Variants in LRFN2 observed in about 807,000 individuals in gnomAD.
LRFN2 encodes the protein leucine rich repeat and fibronectin type III domain containing 2, also known as leucine-rich repeat and fibronectin type-III domain-containing protein 2.
LRFN2 carries 18 observed loss-of-function variants against 37.3 expected under a neutral mutation model. The ratio of observed to expected loss-of-function variants is 0.48; its 90% confidence interval spans 0.33 to 0.72. The LOEUF (loss-of-function observed/expected upper bound fraction) is 0.72, where lower values mean the gene tolerates loss of function less well. Among genes scored for constraint, LRFN2 ranks in the 30% least tolerant of loss-of-function variants. The pLI is 0.02. For missense variants in LRFN2, 1,006 were observed against 1,060.7 expected (o/e 0.95, Z 0.72); for synonymous variants, 556 against 466.6 (o/e 1.19, Z -2.47).
intron 2 of LRFN2, among the ~76,000 whole-genome samples, chr6:40,427,132 G>C (rs1361655556): frequency 6.6e-6 from 1 of 152,244 alleles, no homozygotes; most frequent in Non-Finnish European, 1.5e-5. Flanking sequence ...TTGATTGATA[G>C]TTTTGTTGAC....
At chr6:40,393,890 C>G (rs1335114398) in intron 2 of LRFN2, among the ~76,000 whole-genome samples, 2 of 152,112 alleles carry the variant, frequency 1.3e-5, no homozygotes, top group Admixed American at 1.3e-4. Context: ...CTGCTGCAGA[C>G]TGAGGGAGAG....
chr6:40,482,420 C>A (rs1183095358), intron 1 of LRFN2, among the ~76,000 whole-genome samples: 1 of 152,124 alleles, frequency 6.6e-6, no homozygotes, highest in Admixed American at 6.5e-5. Context: ...CCACCATCCT[C>A]AGGGGTGGAA....
chr6:40,509,291 T>C (rs1213552968), intron 1 of LRFN2, among the ~76,000 whole-genome samples: 2 of 152,242 alleles, frequency 1.3e-5, no homozygotes, highest in African/African-American at 2.4e-5. Flanking sequence ...GGATCACTCA[T>C]GGGACAGAGC....
intron 1 of LRFN2, among the ~76,000 whole-genome samples, chr6:40,534,933 T>C (rs1766421343): frequency 6.6e-6 from 1 of 152,180 alleles, no homozygotes; most frequent in Non-Finnish European, 1.5e-5. Flanking sequence ...CGCCTGAGGC[T>C]CAGAAAGCTG....
intron 1 of LRFN2, among the ~76,000 whole-genome samples, chr6:40,495,814 C>T (rs1765211958): frequency 6.6e-6 from 1 of 152,144 alleles, no homozygotes; most frequent in African/African-American, 2.4e-5. Flanking sequence ...CTGAGATGAT[C>T]ATATCTGGTC....
chr6:40,486,143 C>T (rs954391297), intron 1 of LRFN2, among the ~76,000 whole-genome samples: 1 of 150,346 alleles, frequency 6.7e-6, no homozygotes, highest in African/African-American at 2.5e-5. Context: ...TATGTACTTT[C>T]CTTTGAAGAA....
At chr6:40,531,263 A>G (rs151257487) in intron 1 of LRFN2, among the ~76,000 whole-genome samples, 2 of 152,360 alleles carry the variant, frequency 1.3e-5, no homozygotes, top group Non-Finnish European at 2.9e-5. Context: ...GAGATTCTCA[A>G]AGAACATGCA....
At chr6:40,508,152 C>T (rs1765597347) in intron 1 of LRFN2, among the ~76,000 whole-genome samples, 1 of 152,236 alleles carries the variant, frequency 6.6e-6, no homozygotes, top group African/African-American at 2.4e-5. Context: ...TCCACCTAAA[C>T]TTGAATCTGA....
At chr6:40,490,657 C>T (rs1765070580) in intron 1 of LRFN2, among the ~76,000 whole-genome samples, 1 of 152,224 alleles carries the variant, frequency 6.6e-6, no homozygotes, top group South Asian at 2.1e-4. Flanking sequence ...ATGGCCCACT[C>T]TTAGCAGCTG....
intron 1 of LRFN2, among the ~76,000 whole-genome samples, chr6:40,545,475 TCC>T (rs1351502263): frequency 3.1e-4 from 47 of 152,170 alleles, no homozygotes; most frequent in African/African-American, 1.1e-3. Flanking sequence ...TGATTTGTAT[TCC>T]CCTCTCTCTC....
chr6:40,483,113 A>T, intron 1 of LRFN2, among the ~76,000 whole-genome samples: 1 of 152,096 alleles, frequency 6.6e-6, no homozygotes. Context: ...AAGTTATTTC[A>T]CCTCTCAGAC....
intron 1 of LRFN2, among the ~76,000 whole-genome samples, chr6:40,437,164 T>C (rs538528879): frequency 6.6e-6 from 1 of 152,308 alleles, no homozygotes; most frequent in Admixed American, 6.5e-5. Context: ...CAGGTGCCCC[T>C]GGGCCCAGGG....
At chr6:40,430,740 C>T (rs555868153) in intron 2 of LRFN2, among the ~76,000 whole-genome samples, 1 of 152,328 alleles carries the variant, frequency 6.6e-6, no homozygotes, top group South Asian at 2.1e-4. Context: ...ATTGTCTTCA[C>T]TTCTAGATGC....
At chr6:40,511,723 C>A (rs1454887517) in intron 1 of LRFN2, among the ~76,000 whole-genome samples, 1 of 152,146 alleles carries the variant, frequency 6.6e-6, no homozygotes, top group Non-Finnish European at 1.5e-5. Context: ...CAGTGAGAAC[C>A]AGGTGTGGGT....
rs781627971 is a variant in LRFN2, at chr6:40,432,807, G to A, written c.307C>T (p.Arg103Cys). The change falls in exon 2 of 3, where the codon CGC (arginine) becomes TGC (cysteine). Residue 103 changes from arginine (R) to cysteine (C), a missense_variant. Physicochemically the swap from Arg to Cys is radical, Grantham distance 180. Transcript: ENST00000338305. ...CGATTGCTGTCAAGATGCAGGGAGC[G>A]GAGGCTCTCGAGGTCCAGAAAGGAA... ...PFSFLDLESL[R>C]SLHLDSNRLP... 18 of 1,614,124 alleles carry A rather than the reference G, an allele frequency of 1.1e-5. No individual in the cohort carries two copies. The highest frequency in any genetic ancestry group is 4.4e-5 in the South Asian group (4 of 91,094).
At position 40,432,005 on chromosome 6, in the gene LRFN2, G is replaced by A; in HGVS notation, c.1109C>T (p.Ala370Val). 4 of 1,613,730 alleles carry A rather than the reference G, an allele frequency of 2.5e-6. No homozygotes were observed. Among genetic ancestry groups the A allele is most frequent in the Non-Finnish European group, 3.4e-6 (4 of 1,180,026 alleles). The change falls in exon 2 of 3, where the codon GCC (alanine) becomes GTC (valine). Residue 370 changes from alanine to valine, a missense_variant. This residue lies in a region of LRFN2 where 303 missense variants were observed against 299.8 expected (regional missense o/e 1.01). Transcript: ENST00000338305. Reference sequence around the variant, plus strand: ...CTGGACGATGGAGACCTCCACCATGGCCGTGGCCTCTCCGGCAGCATTGGC... The same window carrying A: ...CTGGACGATGGAGACCTCCACCATGACCGTGGCCTCTCCGGCAGCATTGGC... ...IAANAAGEAT[A>V]MVEVSIVQLP... is the part of the protein sequence containing the mutation.
At chr6:40,404,950 G>A (rs768971488) in intron 2 of LRFN2, among the ~76,000 whole-genome samples, 9 of 152,176 alleles carry the variant, frequency 5.9e-5, no homozygotes, top group Non-Finnish European at 1.2e-4. Flanking sequence ...CCACTGGAGT[G>A]TTCTCTCTGC....
At chr6:40,409,155 C>G (rs536255521) in intron 2 of LRFN2, among the ~76,000 whole-genome samples, 32 of 152,340 alleles carry the variant, frequency 2.1e-4, no homozygotes, top group African/African-American at 6.7e-4. Flanking sequence ...TAAAGCAAAT[C>G]TGGGTAAAAT....
intron 1 of LRFN2, among the ~76,000 whole-genome samples, chr6:40,526,771 C>T (rs879275313): frequency 1.3e-5 from 2 of 152,190 alleles, no homozygotes; most frequent in Non-Finnish European, 1.5e-5. Context: ...CCTCATTAAC[C>T]CAAGCCTCAG....
Sources: allele counts gnomAD v4.1 joint callset (sites outside exome capture counted in the v4.1 genomes callset), GRCh38; gene constraint gnomAD v4.1.1; regional missense constraint gnomAD v4.1.1; transcripts MANE v1.5; gene names NCBI Gene and HGNC (gene_info 2026-07-23, HGNC 2026-07-21).